Variants in RUNX1 observed in about 807,000 individuals in gnomAD.
RUNX1 encodes RUNX family transcription factor 1.
A neutral mutation model predicts 42.8 loss-of-function variants in RUNX1; 19 were observed. The observed-to-expected ratio is 0.44, with a 90% CI of 0.31 to 0.65. RUNX1 has a LOEUF of 0.65. Ranked by LOEUF, RUNX1 falls within the 30% of genes least tolerant of loss-of-function variation. RUNX1 has a pLI of 0.07. For synonymous variants in RUNX1, 271 were observed against 289.4 expected, an observed-to-expected ratio of 0.94 and a Z score of 0.64; for missense variants, 528 against 672.0, an observed-to-expected ratio of 0.79 and a Z score of 2.37.
intron 5 of RUNX1, among the ~76,000 whole-genome samples, chr21:34,873,810 C>A (rs1436195616): frequency 6.6e-6 from 1 of 152,226 alleles, no homozygotes. Context: ...GATCAAAATA[C>A]ATCTCCGTTG....
At position 34,993,498 on chromosome 21, in the gene RUNX1, TAC is replaced by T. The variant is rs71324340; in HGVS notation, c.58+55342_58+55343del. On this transcript the variant is annotated intron_variant, in intron 2 of 8. Transcript: ENST00000675419. ...AGGACAATGTCTGTTTGTTTGTCCC[TAC>T]ACACACACACACACACACACACACA... Among the ~76,000 whole-genome samples, 1,159 of 128,250 alleles carry T rather than the reference TAC, an allele frequency of 9.0e-3. 18 individuals carry two copies. The highest frequency in any genetic ancestry group is 8.2e-3 in the Non-Finnish European group (510 of 61,958). 84.1% of individuals were successfully genotyped at this position (128,250 alleles called of 152,430 possible). A position where few individuals can be genotyped will look rare whatever the true frequency, so the allele number is the denominator to read the frequency against.
intron 8 of RUNX1, among the ~76,000 whole-genome samples, chr21:34,793,029 C>T (rs542882101): frequency 1.3e-5 from 2 of 151,834 alleles, no homozygotes; most frequent in East Asian, 3.9e-4. Context: ...GGACGGGGGA[C>T]ACCCAGGATG....
At chr21:35,022,364 G>A (rs1035729379) in intron 2 of RUNX1, among the ~76,000 whole-genome samples, 3 of 152,234 alleles carry the variant, frequency 2.0e-5, no homozygotes, top group Non-Finnish European at 4.4e-5. Flanking sequence ...GCGCCCCGCA[G>A]GAGTGCCTGA....
intron 2 of RUNX1, among the ~76,000 whole-genome samples, chr21:34,985,328 G>A (rs1299470610): frequency 2.6e-5 from 4 of 152,196 alleles, no homozygotes; most frequent in Non-Finnish European, 5.9e-5. Flanking sequence ...CAGGCCCATC[G>A]GGGCAGAACT....
intron 6 of RUNX1, among the ~76,000 whole-genome samples, chr21:34,859,177 TGTATATTGAGGAAGCA>T (rs1449227522): frequency 3.3e-5 from 5 of 152,242 alleles, no homozygotes; most frequent in South Asian, 2.1e-4. Flanking sequence ...TGAACTTTAC[TGTATATTGAGGAAGCA>T]GTCCTTAGTT....
intron 2 of RUNX1, among the ~76,000 whole-genome samples, chr21:34,963,772 C>T (rs977030255): frequency 6.6e-5 from 10 of 152,170 alleles, no homozygotes; most frequent in African/African-American, 1.2e-4. Flanking sequence ...TCTACCCCGA[C>T]GCTGAAACAG....
At chr21:35,002,594 A>G (rs1307292407) in intron 2 of RUNX1, among the ~76,000 whole-genome samples, 2 of 151,628 alleles carry the variant, frequency 1.3e-5, no homozygotes. Flanking sequence ...TGCCCAGCTA[A>G]TTTTTGTATT....
intron 2 of RUNX1, among the ~76,000 whole-genome samples, chr21:34,941,592 T>C (rs2058526903): frequency 6.6e-6 from 1 of 152,242 alleles, no homozygotes; most frequent in Non-Finnish European, 1.5e-5. Context: ...TGTCTTCTCA[T>C]GTATGACATG....
rs116855200 is a variant in RUNX1, at chr21:34,920,250, C to T, written c.59-27287G>A. 1.4e-3 allele frequency among the ~76,000 whole-genome samples: 209 copies of T among 152,292 alleles called. 1 individual carries two copies. In the East Asian group the frequency reaches 0.015, roughly 11 times the overall value. On this transcript the variant is annotated intron_variant, in intron 2 of 8. Coordinates refer to ENST00000675419, the MANE Select transcript of RUNX1 (RefSeq NM_001754.5). ...CTCCCACTCTCTTTTGTTTCTTTCA[C>T]TATTTTCTTATTCCACAACCAAGGT...
At chr21:34,800,850 C>A (rs2056598030) in intron 7 of RUNX1, among the ~76,000 whole-genome samples, 1 of 152,044 alleles carries the variant, frequency 6.6e-6, no homozygotes, top group African/African-American at 2.4e-5. Flanking sequence ...AGTTCCCAGG[C>A]AAATAGTTTA....
At chr21:34,807,172 T>C (rs961359452) in intron 7 of RUNX1, among the ~76,000 whole-genome samples, 8 of 152,024 alleles carry the variant, frequency 5.3e-5, no homozygotes, top group Non-Finnish European at 8.8e-5. Flanking sequence ...GAACAAAATA[T>C]CTTGTTCTTT....
At chr21:34,888,648 C>A (rs781240902) in intron 3 of RUNX1, 2 of 1,051,082 alleles carry the variant, frequency 1.9e-6, no homozygotes, top group Non-Finnish European at 2.3e-6. Context: ...TGGCTGGGTC[C>A]GGCCGCGGGG....
At chr21:34,882,159 A>G (rs2057914403) in intron 4 of RUNX1, among the ~76,000 whole-genome samples, 1 of 152,136 alleles carries the variant, frequency 6.6e-6, no homozygotes, top group Non-Finnish European at 1.5e-5. Context: ...CTCTTTTTCT[A>G]TATGTAAAAA....
rs191514357 is a variant in RUNX1 at position 34,986,047 on chromosome 21, A to G, written c.58+62795T>C. On this transcript the variant is annotated intron_variant, in intron 2 of 8. Coordinates refer to ENST00000675419, the MANE Select transcript of RUNX1 (RefSeq NM_001754.5). Reference sequence around the variant, plus strand: ...ACCACTACACTGGGCTAATTTTTGTATTTTTTGTAGAGATGGGTTTTGCCA... The same window carrying G: ...ACCACTACACTGGGCTAATTTTTGTGTTTTTTGTAGAGATGGGTTTTGCCA... Among the ~76,000 whole-genome samples the G allele has an allele frequency of 6.5e-4, 98 of 151,688 alleles. 1 individual carries two copies. Among genetic ancestry groups the G allele is most frequent in the African/African-American group, 2.1e-3 (86 of 41,344 alleles).
intron 5 of RUNX1, among the ~76,000 whole-genome samples, chr21:34,876,585 GA>G (rs1164913289): frequency 6.6e-6 from 1 of 151,650 alleles, no homozygotes; most frequent in Non-Finnish European, 1.5e-5. Context: ...TTTGTCCTTG[GA>G]AAAAGCCTTC....
At chr21:34,797,768 G>C (rs2056550531) in intron 8 of RUNX1, among the ~76,000 whole-genome samples, 1 of 152,206 alleles carries the variant, frequency 6.6e-6, no homozygotes, top group African/African-American at 2.4e-5. Context: ...AAGCACTTAA[G>C]TTGGTTTTCC....
At chr21:34,814,320 T>C (rs1288396312) in intron 7 of RUNX1, among the ~76,000 whole-genome samples, 1 of 152,018 alleles carries the variant, frequency 6.6e-6, no homozygotes, top group East Asian at 1.9e-4. Context: ...TTTGAGGTGG[T>C]CGTGGGGAGG....
Position 34,799,318 on chromosome 21 carries a change from A to C in RUNX1, c.950T>G (p.Leu317Arg), listed in dbSNP as rs750414302. 1 of 1,613,934 alleles carries C rather than the reference A, an allele frequency of 6.2e-7. No individual in the cohort carries two copies. Among genetic ancestry groups the C allele is most frequent in the Admixed American group, 1.7e-5 (1 of 60,024 alleles). ...TGGCTTACTTGAGAGTCGACTGGAA[A>C]GTTCTGCAGAGAGGGTTGTCATGCC... ...ASGMTTLSAE[L>R]SSRLSTAPDL... The change falls in exon 8 of 9, where the codon CTT becomes CGT. Residue 317 changes from leucine (L) to arginine (R), a missense_variant. By Grantham distance (102) the Leu-to-Arg change is moderately radical. Around this residue, in one of 3 missense-constraint regions of RUNX1, gnomAD observed 331 missense variants for 382.5 expected, o/e 0.87. Coordinates refer to ENST00000675419, the MANE Select transcript of RUNX1 (RefSeq NM_001754.5).
chr21:34,879,315 T>C (rs768034197), intron 5 of RUNX1, among the ~76,000 whole-genome samples: 1 of 152,228 alleles, frequency 6.6e-6, no homozygotes, highest in Non-Finnish European at 1.5e-5. Context: ...ATTATTAATA[T>C]AGTACTATGA....
Sources: gnomAD v4.1 joint callset for allele counts (sites outside exome capture counted in the v4.1 genomes callset) on GRCh38, gnomAD v4.1.1 for gene constraint, gnomAD v4.1.1 regional missense constraint, MANE v1.5 for transcripts, NCBI Gene and HGNC (gene_info 2026-07-23, HGNC 2026-07-21) for gene names.